PIAS1: variants seen among roughly 807,000 people sequenced by gnomAD.
The protein encoded by PIAS1 is E3 SUMO-protein ligase PIAS1.
PIAS1 carries 6 observed loss-of-function variants against 71.3 expected under a neutral mutation model. The observed-to-expected ratio is 0.08, with a 90% CI of 0.05 to 0.17. The LOEUF is 0.17. Among genes scored for constraint, PIAS1 ranks in the 10% least tolerant of loss-of-function variants. The pLI, the probability that PIAS1 is intolerant of heterozygous loss-of-function variation, is 1.00. For synonymous variants in PIAS1, 303 were observed against 292.9 expected (o/e 1.03, Z -0.35); for missense variants, 555 against 793.6 (o/e 0.70, Z 3.61).
chr15:68,114,796 G>C (rs1415631229), intron 2 of PIAS1, among the ~76,000 whole-genome samples: 1 of 150,598 alleles, frequency 6.6e-6, no homozygotes, highest in African/African-American at 2.4e-5. Context: ...TTTTATTTTT[G>C]ATCTAGTTCG....
At chr15:68,159,718 T>C (rs1021980993) in intron 7 of PIAS1, among the ~76,000 whole-genome samples, 13 of 152,180 alleles carry the variant, frequency 8.5e-5, no homozygotes, top group Non-Finnish European at 8.8e-5. Flanking sequence ...ATCTGATAAA[T>C]TGATGGACAT....
rs979155286 is a variant in PIAS1, at chr15:68,167,046, T to C, written c.1008+2242T>C. 6.6e-6 allele frequency among the ~76,000 whole-genome samples: 1 copy of C among 152,136 alleles called. No individual in the cohort carries two copies. The highest frequency in any genetic ancestry group is 1.5e-5 in the Non-Finnish European group (1 of 68,000). ...CTTGATATGTTGCCCAGGCTGGTCA[T>C]GGACTCCTGGCCTCAAGCAATCCTC... On this transcript the variant is annotated intron_variant, in intron 8 of 13. Coordinates refer to ENST00000249636, the MANE Select transcript of PIAS1 (RefSeq NM_016166.3). This position sits in a 1 kb window ranked among gnomAD's most constrained non-coding sequence, Gnocchi z 4.4.
intron 2 of PIAS1, among the ~76,000 whole-genome samples, chr15:68,107,479 G>A (rs1414220302): frequency 6.6e-6 from 1 of 152,144 alleles, no homozygotes; most frequent in African/African-American, 2.4e-5. Flanking sequence ...TGGTTCATCT[G>A]TTGTGAATAT....
intron 1 of PIAS1, among the ~76,000 whole-genome samples, chr15:68,071,102 T>C (rs1412765577): frequency 6.6e-6 from 1 of 152,108 alleles, no homozygotes; most frequent in Non-Finnish European, 1.5e-5. Flanking sequence ...GGCAGAATCC[T>C]TTGGGAGAGG....
chr15:68,117,019 CTGTT>C (rs1341601842), intron 2 of PIAS1, among the ~76,000 whole-genome samples: 4 of 152,056 alleles, frequency 2.6e-5, no homozygotes, highest in Non-Finnish European at 5.9e-5. Flanking sequence ...CATTCATTGT[CTGTT>C]TGTGATGAGG....
chr15:68,096,603 T>C (rs1001277972), intron 2 of PIAS1, among the ~76,000 whole-genome samples: 1 of 152,116 alleles, frequency 6.6e-6, no homozygotes, highest in Admixed American at 6.5e-5. Flanking sequence ...CAGAAATGTT[T>C]TGTAGTTTTC....
intron 7 of PIAS1, among the ~76,000 whole-genome samples, chr15:68,156,786 G>C (rs2092893059): frequency 2.6e-5 from 4 of 150,950 alleles, no homozygotes; most frequent in Admixed American, 2.6e-4. Flanking sequence ...ACAGGTATAA[G>C]TTGACATAGA....
At chr15:68,108,626 T>A (rs2062075602) in intron 2 of PIAS1, among the ~76,000 whole-genome samples, 1 of 152,208 alleles carries the variant, frequency 6.6e-6, no homozygotes, top group South Asian at 2.1e-4. Context: ...ACCATTCATA[T>A]AGCTATCTCA....
At position 68,071,787 on chromosome 15, in the gene PIAS1, A is replaced by C. The variant is rs114527646; in HGVS notation, c.25-14519A>C. Among the ~76,000 whole-genome samples, 763 of 151,318 alleles carry C rather than the reference A, an allele frequency of 5.0e-3. 6 individuals carry two copies. The highest frequency in any genetic ancestry group is 0.018 in the African/African-American group (737 of 41,230). ...TTGAGACCAGCCTGGCCAACTCTAC[A>C]AAAAACAGAAATTAGCCATGGGGAG... On this transcript the variant is annotated intron_variant, in intron 1 of 13. Transcript: ENST00000249636.
rs2093130734 is a variant in PIAS1, at chr15:68,193,749, A to G, written c.*5914A>G. On this transcript the variant is annotated 3_prime_UTR_variant, in exon 14 of 14. Coordinates refer to ENST00000249636, the MANE Select transcript of PIAS1 (RefSeq NM_016166.3). Reference sequence around the variant, plus strand: ...CAGAGCCAGGACTGGAACCCAGGCCAGACTCCAAACCGCAGGCTCCTTCCA... The same window carrying G: ...CAGAGCCAGGACTGGAACCCAGGCCGGACTCCAAACCGCAGGCTCCTTCCA... The G allele has an allele frequency of 2.7e-6, 1 of 370,800 alleles. No individual in the cohort carries two copies. Among genetic ancestry groups the G allele is most frequent in the East Asian group, 4.8e-5 (1 of 20,666 alleles). 23.0% of individuals were successfully genotyped at this position (370,800 alleles called of 1,614,324 possible).
chr15:68,104,064 G>A (rs879758074), intron 2 of PIAS1, among the ~76,000 whole-genome samples: 1 of 152,210 alleles, frequency 6.6e-6, no homozygotes, highest in East Asian at 1.9e-4. Flanking sequence ...GATTTATGAG[G>A]ATTCGCATTT....
intron 2 of PIAS1, among the ~76,000 whole-genome samples, chr15:68,090,927 G>GGGGGGTGTGT (rs71455575): frequency 1.4e-5 from 2 of 142,762 alleles, no homozygotes; most frequent in African/African-American, 5.2e-5. Context: ...GTCATTTACG[G>GGGGGGTGTGT]GTGTGTGTGT....
At chr15:68,088,176 G>GTGTGTATATATATATA (rs150997979) in intron 2 of PIAS1, among the ~76,000 whole-genome samples, 30 of 73,000 alleles carry the variant, frequency 4.1e-4, no homozygotes, top group African/African-American at 9.3e-4. Context: ...TTATGTGTGT[G>GTGTGTATATATATATA]TATATATATA....
intron 2 of PIAS1, among the ~76,000 whole-genome samples, chr15:68,133,720 A>T (rs1262130839): frequency 0.038 from 3 of 78 alleles, 1 homozygote; most frequent in African/African-American, 0.039. Context: ...TTTTTAATTT[A>T]ATTTTATTTT....
chr15:68,162,400 T>A (rs992600839), intron 7 of PIAS1, among the ~76,000 whole-genome samples: 2 of 152,092 alleles, frequency 1.3e-5, no homozygotes. Flanking sequence ...GTGGGATGGT[T>A]GGTGAAGGCA....
chr15:68,083,746 A>G lies in PIAS1; in HGVS notation c.25-2560A>G, dbSNP rs74830612. On this transcript the variant is annotated intron_variant, in intron 1 of 13. Transcript: ENST00000249636. Reference sequence around the variant, plus strand: ...ACAGTACCTGCCTGATAATTATGACAATTGATGATGAATCCTGTAAAAAAA... The same window carrying G: ...ACAGTACCTGCCTGATAATTATGACGATTGATGATGAATCCTGTAAAAAAA... Among the ~76,000 whole-genome samples, 823 of 151,686 alleles carry G rather than the reference A, an allele frequency of 5.4e-3. 2 individuals carry two copies. The highest frequency in any genetic ancestry group is 0.015 in the East Asian group (77 of 5,174).
At chr15:68,165,265 G>A (rs2092950323) in intron 8 of PIAS1, among the ~76,000 whole-genome samples, 2 of 152,166 alleles carry the variant, frequency 1.3e-5, no homozygotes, top group Admixed American at 6.5e-5. Flanking sequence ...GGGATTATAG[G>A]CATGCGCCAC....
At chr15:68,147,763 T>C (rs2141054753) in intron 6 of PIAS1, among the ~76,000 whole-genome samples, 1 of 151,926 alleles carries the variant, frequency 6.6e-6, no homozygotes, top group Admixed American at 6.5e-5. Context: ...AAAATTGCTT[T>C]CTTTCACTTT....
At chr15:68,176,293 T>G (rs1454213559) in intron 10 of PIAS1, among the ~76,000 whole-genome samples, 181 bp from the exon 11 acceptor site, 1 of 152,174 alleles carries the variant, frequency 6.6e-6, no homozygotes, top group Non-Finnish European at 1.5e-5. Context: ...TTTTGAAAAA[T>G]AATTTACTAT....
Sources: allele counts gnomAD v4.1 joint callset (sites outside exome capture counted in the v4.1 genomes callset), GRCh38; gene constraint gnomAD v4.1.1; non-coding constraint Gnocchi (gnomAD v3.1); transcripts MANE v1.5; gene names NCBI Gene and HGNC (gene_info 2026-07-23, HGNC 2026-07-21).